The following KCNN1 variants were observed in gnomAD, a reference collection of about 807,000 sequenced individuals.
KCNN1 encodes potassium calcium-activated channel subfamily N member 1, also known as small conductance calcium-activated potassium channel protein 1.
KCNN1 carries 20 observed loss-of-function variants against 44.7 expected under a neutral mutation model. That is an observed-to-expected ratio of 0.45 (90% CI 0.32 to 0.65). KCNN1 has a LOEUF of 0.65. Ranked by LOEUF, KCNN1 falls within the 30% of genes least tolerant of loss-of-function variation. KCNN1 has a pLI of 0.05. For missense variants in KCNN1, 632 were observed against 785.3 expected (o/e 0.80, Z 2.33); for synonymous variants, 324 against 341.7 (o/e 0.95, Z 0.57).
At position 17,983,234 on chromosome 19, in the gene KCNN1, G is replaced by C. The variant is rs948012291; in HGVS notation, c.917+1107G>C. Reference sequence around the variant, plus strand: ...AGGCAGGAGGGGCTCCGCCAGGCCTGGGGTGTGAGGGTGCCTTATCTGGGA... The same window carrying C: ...AGGCAGGAGGGGCTCCGCCAGGCCTCGGGTGTGAGGGTGCCTTATCTGGGA... On this transcript the variant is annotated intron_variant, in intron 4 of 9. Coordinates refer to ENST00000684775, the MANE Select transcript of KCNN1 (RefSeq NM_001386974.1). The surrounding 1 kb of genome is among the most constrained non-coding windows in gnomAD (Gnocchi z 4.5). 5.9e-5 allele frequency among the ~76,000 whole-genome samples: 9 copies of C among 152,066 alleles called. No homozygotes were observed. Among genetic ancestry groups the C allele is most frequent in the African/African-American group, 2.2e-4 (9 of 41,394 alleles).
intron 7 of KCNN1, 122 bp from the exon 8 acceptor site, chr19:17,992,932 C>T: frequency 1.6e-6 from 2 of 1,281,808 alleles, no homozygotes; most frequent in Non-Finnish European, 2.2e-6. Context: ...CATCTGGGAA[C>T]CCCGCGCGGG....
At chr19:17,965,736 C>T (rs543960139), upstream of KCNN1, among the ~76,000 whole-genome samples, 87 of 152,068 alleles carry the variant, frequency 5.7e-4, 1 homozygote, top group East Asian at 0.016. Flanking sequence ...GTAACAGCCC[C>T]CTGTTACAGA....
chr19:17,973,500 C>T (rs927226323), intron 1 of KCNN1, among the ~76,000 whole-genome samples: 3 of 152,188 alleles, frequency 2.0e-5, no homozygotes, highest in East Asian at 1.9e-4. Context: ...AGGCCAGTTT[C>T]GAACTCCTGA....
chr19:17,970,641 G>A (rs1244507993), intron 1 of KCNN1, among the ~76,000 whole-genome samples: 2 of 151,662 alleles, frequency 1.3e-5, no homozygotes, highest in African/African-American at 4.8e-5. Flanking sequence ...GGCCAAGCTG[G>A]TCTTGAACTC....
intron 2 of KCNN1, among the ~76,000 whole-genome samples, chr19:17,961,586 C>CTTTCTTTTTTT (rs113710284): frequency 7.7e-6 from 1 of 130,056 alleles, no homozygotes; most frequent in African/African-American, 3.1e-5. Flanking sequence ...TTCTTTCTTT[C>CTTTCTTTTTTT]TTTTTTTTTT....
At chr19:17,959,414 C>A (rs934522418) in intron 2 of KCNN1, among the ~76,000 whole-genome samples, 1 of 151,726 alleles carries the variant, frequency 6.6e-6, no homozygotes, top group South Asian at 2.1e-4. Flanking sequence ...CCTGCCACCA[C>A]GCCTGGCTAA....
At position 17,974,130 on chromosome 19, in the gene KCNN1, G is replaced by C; in HGVS notation, c.242G>C (p.Arg81Thr). The change falls in exon 2 of 10, where the codon AGA becomes ACA. Residue 81 changes from arginine (R) to threonine (T), a missense_variant. This residue lies in a region of KCNN1 where 235 missense variants were observed against 224.0 expected (regional missense o/e 1.05). Coordinates refer to ENST00000684775, the MANE Select transcript of KCNN1 (RefSeq NM_001386974.1). This position sits in a 1 kb window ranked among gnomAD's most constrained non-coding sequence, Gnocchi z 7.3. Reference protein sequence around the residue: ...DDEEDEAGRQRASGKPSNVGH... With the variant: ...DDEEDEAGRQTASGKPSNVGH... ...GAGGAAGATGAGGCCGGCAGGCAGAGAGCCTCGGGGAAACCCTCAAATGTG... is the reference window on the plus strand; with the variant it reads ...GAGGAAGATGAGGCCGGCAGGCAGACAGCCTCGGGGAAACCCTCAAATGTG... The C allele has an allele frequency of 2.5e-6, 4 of 1,613,088 alleles. No individual in the cohort carries two copies. The South Asian group carries it at 3.3e-5, about 13-fold the overall frequency.
intron 6 of KCNN1, among the ~76,000 whole-genome samples, 156 bp from the exon 7 acceptor site, chr19:17,989,560 A>G (rs763849479): frequency 1.5e-4 from 23 of 152,250 alleles, no homozygotes; most frequent in Non-Finnish European, 2.9e-4. Context: ...CACACTGCAC[A>G]GATGTTGTTG....
chr19:17,975,010 C>G, intron 2 of KCNN1, 82 bp from the exon 3 acceptor site: 1 of 1,074,562 alleles, frequency 9.3e-7, no homozygotes, highest in Non-Finnish European at 1.4e-6. Flanking sequence ...CTCCCATGCC[C>G]GGGAGCCAGG....
chr19:17,975,825 C>T (rs2032187610), intron 3 of KCNN1, among the ~76,000 whole-genome samples: 1 of 152,160 alleles, frequency 6.6e-6, no homozygotes, highest in African/African-American at 2.4e-5. Context: ...TTTCCTGCCA[C>T]AGCCTCCCGA....
rs958986443 is a variant in KCNN1, at chr19:17,991,157, A to C, written c.1298+1314A>C. Among the ~76,000 whole-genome samples, 5 of 152,046 alleles carry C rather than the reference A, an allele frequency of 3.3e-5. No homozygotes were observed. The South Asian group carries it at 6.2e-4, about 19-fold the overall frequency. On this transcript the variant is annotated intron_variant, in intron 7 of 9. Coordinates refer to ENST00000684775, the MANE Select transcript of KCNN1 (RefSeq NM_001386974.1). Reference sequence around the variant, plus strand: ...TAGTGAGACCCCACTCTATGTAAAAATTAAAAAATAAAGCGAGGCGTGGTG... The same window carrying C: ...TAGTGAGACCCCACTCTATGTAAAACTTAAAAAATAAAGCGAGGCGTGGTG...
Position 17,973,812 on chromosome 19 carries a change from G to C in KCNN1, c.-77G>C. The C allele has an allele frequency of 6.6e-7, 1 of 1,522,934 alleles. No individual in the cohort carries two copies. Among genetic ancestry groups the C allele is most frequent in the Non-Finnish European group, 8.8e-7 (1 of 1,140,252 alleles). The allele number at this position is 1,522,934 out of a possible 1,614,324, so 94.3% of individuals were successfully genotyped here. On this transcript the variant is annotated 5_prime_UTR_variant, in exon 2 of 10. Coordinates refer to ENST00000684775, the MANE Select transcript of KCNN1 (RefSeq NM_001386974.1). ...TGTCCCTCTGTGCCCTTGCAGGTCAGTGCAGGAGCCCAGCCGCTGAGCCAT... is the reference window on the plus strand; with the variant it reads ...TGTCCCTCTGTGCCCTTGCAGGTCACTGCAGGAGCCCAGCCGCTGAGCCAT...
chr19:17,961,057 G>A (rs575623685), intron 2 of KCNN1, among the ~76,000 whole-genome samples: 20 of 151,714 alleles, frequency 1.3e-4, no homozygotes, highest in Admixed American at 2.6e-4. Flanking sequence ...GTGGTGGTGC[G>A]CGTCTGTAAT....
Position 17,982,028 on chromosome 19 carries a change from T to C in KCNN1, c.818T>C (p.Val273Ala). 1 of 1,610,118 alleles carries C rather than the reference T, an allele frequency of 6.2e-7. No homozygotes were observed. The highest frequency in any genetic ancestry group is 8.5e-7 in the Non-Finnish European group (1 of 1,178,416). Residue 273 changes from valine (V) to alanine (A), a missense_variant, in exon 4 of 10, where the codon GTC becomes GCC. Val to Ala is a moderately conservative substitution (Grantham distance 64, BLOSUM62 0). Around this residue, in one of 3 missense-constraint regions of KCNN1, gnomAD observed 160 missense variants for 308.3 expected, o/e 0.52. Coordinates refer to ENST00000684775, the MANE Select transcript of KCNN1 (RefSeq NM_001386974.1). ...LNKITFNTRF[V>A]MKTLMTICPG... ...AAGATCACCTTCAACACGCGCTTCGTCATGAAGACACTCATGACCATCTGC... is the reference window on the plus strand; with the variant it reads ...AAGATCACCTTCAACACGCGCTTCGCCATGAAGACACTCATGACCATCTGC...
rs761452750 is a variant in KCNN1, at chr19:17,978,126, G to GTTTT, written c.498+2954_498+2957dup. Among the ~76,000 whole-genome samples the GTTTT allele has an allele frequency of 5.8e-3, 753 of 130,928 alleles. 4 individuals are homozygous for GTTTT. Among genetic ancestry groups the GTTTT allele is most frequent in the African/African-American group, 0.019 (692 of 35,996 alleles). 85.9% of individuals were successfully genotyped at this position (130,928 alleles called of 152,430 possible). A position where few individuals can be genotyped will look rare whatever the true frequency, so the allele number is the denominator to read the frequency against. ...TTGTGAATTTCATATATGTATACTT[G>GTTTT]TTTTTTTTTTTTTTTTTTGAGATGG... On this transcript the variant is annotated intron_variant, in intron 3 of 9. Coordinates refer to ENST00000684775, the MANE Select transcript of KCNN1 (RefSeq NM_001386974.1).
At position 17,986,461 on chromosome 19, in the gene KCNN1, G is replaced by A. The variant is rs148165611; in HGVS notation, c.1059+1008G>A. On this transcript the variant is annotated intron_variant, in intron 5 of 9. Coordinates refer to ENST00000684775, the MANE Select transcript of KCNN1 (RefSeq NM_001386974.1). ...TTTCGGGGTGTTCCCTGAGTTTTTC[G>A]TGACAGTGGGCGCAGGCAGCACCCC... Among the ~76,000 whole-genome samples the A allele has an allele frequency of 4.6e-5, 7 of 151,876 alleles. No homozygotes were observed. The East Asian group carries it at 7.7e-4, about 17-fold the overall frequency.
intron 7 of KCNN1, among the ~76,000 whole-genome samples, chr19:17,992,436 C>G (rs550678011): frequency 6.6e-6 from 1 of 152,240 alleles, no homozygotes; most frequent in African/African-American, 2.4e-5. Flanking sequence ...CCCATCTCTA[C>G]TAAAAATACA....
intron 9 of KCNN1, among the ~76,000 whole-genome samples, chr19:17,997,597 TC>T (rs35489347): frequency 0.37 from 55,889 of 151,850 alleles, 10,624 homozygotes; most frequent in East Asian, 0.45. Flanking sequence ...TCCTGCCTCA[TC>T]CCCCCCGAGT....
chr19:17,975,321 A>G (rs2145929695), intron 3 of KCNN1, 134 bp downstream of exon 3: 1 of 609,848 alleles, frequency 1.6e-6, no homozygotes, highest in Non-Finnish European at 2.9e-6. Context: ...AAAGATCTCC[A>G]TAAAGACACA....
Sources: gnomAD v4.1 joint callset for allele counts (sites outside exome capture counted in the v4.1 genomes callset) on GRCh38, gnomAD v4.1.1 for gene constraint, gnomAD v4.1.1 regional missense constraint, Gnocchi (gnomAD v3.1) non-coding constraint, MANE v1.5 for transcripts, NCBI Gene and HGNC (gene_info 2026-07-23, HGNC 2026-07-21) for gene names.